AHI1: variants seen among roughly 807,000 people sequenced by gnomAD.
AHI1 encodes the protein jouberin.
AHI1 carries 123 observed loss-of-function variants against 149.3 expected under a neutral mutation model. The ratio of observed to expected loss-of-function variants is 0.82; its 90% confidence interval spans 0.71 to 0.96. The LOEUF (loss-of-function observed/expected upper bound fraction) is 0.96. AHI1 is among the 40% of genes least tolerant of loss of function. The pLI, the probability that AHI1 is intolerant of heterozygous loss-of-function variation, is 0.00. For missense variants in AHI1, 1,439 were observed against 1,422.7 expected (o/e 1.01, Z -0.18); for synonymous variants, 475 against 459.8 (o/e 1.03, Z -0.42).
chr6:135,439,805 T>C (rs1327525450), intron 14 of AHI1, among the ~76,000 whole-genome samples: 2 of 152,132 alleles, frequency 1.3e-5, no homozygotes, highest in African/African-American at 4.8e-5. Context: ...TCAGTACTAC[T>C]TGAGGTTTCA....
At chr6:135,391,501 C>CT (rs1453906009) in intron 23 of AHI1, among the ~76,000 whole-genome samples, 1 of 152,144 alleles carries the variant, frequency 6.6e-6, no homozygotes, top group Non-Finnish European at 1.5e-5. Flanking sequence ...ATGCTCCCAG[C>CT]TCTACCACTC....
chr6:135,337,085 T>C (rs894735310), intron 24 of AHI1, among the ~76,000 whole-genome samples: 2 of 152,194 alleles, frequency 1.3e-5, no homozygotes, highest in African/African-American at 4.8e-5. Context: ...AGACTTACAT[T>C]ATAAGCCCTC....
chr6:135,431,839 T>C (rs769151520), intron 16 of AHI1, among the ~76,000 whole-genome samples: 1 of 152,180 alleles, frequency 6.6e-6, no homozygotes, highest in East Asian at 1.9e-4. Context: ...CACTAACAGA[T>C]GGCTGTTCAG....
intron 5 of AHI1, among the ~76,000 whole-genome samples, chr6:135,485,180 T>A (rs1454623113): frequency 6.6e-6 from 1 of 151,964 alleles, no homozygotes; most frequent in East Asian, 1.9e-4. Flanking sequence ...TTCAAGCAAT[T>A]CTCATGCCTC....
intron 27 of AHI1, among the ~76,000 whole-genome samples, chr6:135,298,316 C>A: frequency 7.0e-6 from 1 of 142,108 alleles, no homozygotes; most frequent in Middle Eastern, 3.5e-3. Flanking sequence ...ATAGAAGTGA[C>A]TGACATTTCT....
At chr6:135,438,184 G>T (rs1237313157) in intron 15 of AHI1, among the ~76,000 whole-genome samples, 191 bp downstream of exon 15, 1 of 152,060 alleles carries the variant, frequency 6.6e-6, no homozygotes, top group African/African-American at 2.4e-5. Flanking sequence ...ATAAATAAAA[G>T]ACATTTAAGA....
intron 2 of AHI1, among the ~76,000 whole-genome samples, chr6:135,496,148 G>A (rs1433687024): frequency 2.0e-5 from 3 of 151,048 alleles, no homozygotes; most frequent in Non-Finnish European, 4.4e-5. Flanking sequence ...ACAGAGTCTC[G>A]CTCTGTTGCC....
At chr6:135,437,038 G>A (rs1416016075) in intron 15 of AHI1, among the ~76,000 whole-genome samples, 3 of 152,180 alleles carry the variant, frequency 2.0e-5, no homozygotes, top group Non-Finnish European at 2.9e-5. Context: ...CGTCAGTCAC[G>A]TGCCTCTTTG....
chr6:135,392,573 G>C (rs1027478312), intron 23 of AHI1, among the ~76,000 whole-genome samples: 1 of 152,154 alleles, frequency 6.6e-6, no homozygotes, highest in Admixed American at 6.6e-5. Flanking sequence ...GTATATTTCA[G>C]ATAGGTTTTC....
intron 21 of AHI1, among the ~76,000 whole-genome samples, chr6:135,405,996 C>G (rs556524838): frequency 1.1e-4 from 17 of 151,216 alleles, no homozygotes; most frequent in African/African-American, 4.1e-4. Flanking sequence ...TCATAATCAA[C>G]ATGGAGTTTA....
chr6:135,377,930 A>G (rs1776185034), intron 23 of AHI1, among the ~76,000 whole-genome samples: 1 of 152,198 alleles, frequency 6.6e-6, no homozygotes, highest in Non-Finnish European at 1.5e-5. Context: ...ATATATTTAT[A>G]TTCTACATGT....
chr6:135,327,468 A>G (rs180993743), intron 24 of AHI1, among the ~76,000 whole-genome samples: 2 of 152,366 alleles, frequency 1.3e-5, no homozygotes, highest in Admixed American at 1.3e-4. Flanking sequence ...ACATTCAAGT[A>G]CACGCAGACC....
intron 27 of AHI1, among the ~76,000 whole-genome samples, chr6:135,293,713 A>G (rs1330355808): frequency 6.6e-6 from 1 of 152,248 alleles, no homozygotes; most frequent in Non-Finnish European, 1.5e-5. Flanking sequence ...AAAAAATGTT[A>G]CCAAGAGAAA....
chr6:135,443,629 C>CA (rs1786680995), intron 13 of AHI1, among the ~76,000 whole-genome samples: 1 of 152,128 alleles, frequency 6.6e-6, no homozygotes, highest in African/African-American at 2.4e-5. Context: ...ACTTCAAGGG[C>CA]ATGCTTTCTA....
intron 23 of AHI1, among the ~76,000 whole-genome samples, chr6:135,367,494 A>G (rs1468209506): frequency 6.6e-6 from 1 of 151,942 alleles, no homozygotes; most frequent in Non-Finnish European, 1.5e-5. Flanking sequence ...AACACCAATT[A>G]TTCTTAGATT....
rs140299837 is a variant in AHI1 at position 135,329,471 on chromosome 6, T to C, written c.3166-6147A>G. On this transcript the variant is annotated intron_variant, in intron 24 of 28. Coordinates refer to ENST00000265602, the MANE Select transcript of AHI1 (RefSeq NM_001134831.2). ...AAATCTAGATGATAGCCCATCCATC[T>C]ACAGCACAGTTTAATGAATATTTTA... Among the ~76,000 whole-genome samples, 443 of 152,338 alleles carry C rather than the reference T, an allele frequency of 2.9e-3. 2 individuals carry two copies. Among genetic ancestry groups the C allele is most frequent in the Non-Finnish European group, 4.9e-3 (333 of 68,020 alleles).
At chr6:135,301,203 T>G (rs1783836293) in intron 26 of AHI1, 1 of 984,060 alleles carries the variant, frequency 1.0e-6, no homozygotes, top group African/African-American at 1.7e-5. Flanking sequence ...ATCAACCTAA[T>G]GTTGCTATAA....
At chr6:135,377,053 A>G (rs1376896499) in intron 23 of AHI1, among the ~76,000 whole-genome samples, 1 of 152,046 alleles carries the variant, frequency 6.6e-6, no homozygotes. Flanking sequence ...AAGCAAGCAA[A>G]CAAAAAACTG....
At chr6:135,456,191 T>C (rs1473809032) in intron 9 of AHI1, among the ~76,000 whole-genome samples, 1 of 152,144 alleles carries the variant, frequency 6.6e-6, no homozygotes, top group Non-Finnish European at 1.5e-5. Context: ...GATTATACCT[T>C]TGCCATATAA....
Sources: gnomAD v4.1 joint callset for allele counts (sites outside exome capture counted in the v4.1 genomes callset) on GRCh38, gnomAD v4.1.1 for gene constraint, MANE v1.5 for transcripts, NCBI Gene and HGNC (gene_info 2026-07-23, HGNC 2026-07-21) for gene names.